SLC14A2: variants seen among roughly 807,000 people sequenced by gnomAD.
SLC14A2 encodes solute carrier family 14 member 2.
SLC14A2 carries 91 observed loss-of-function variants against 104.6 expected under a neutral mutation model. The observed-to-expected ratio is 0.87, with a 90% CI of 0.73 to 1.04. The LOEUF (loss-of-function observed/expected upper bound fraction) is 1.04, where lower values mean the gene tolerates loss of function less well. Ranked by LOEUF, SLC14A2 falls within the 50% of genes least tolerant of loss-of-function variation. The probability of loss-of-function intolerance (pLI) is 0.00; values close to 1 mark genes in which losing one functional copy is unlikely to be tolerated. For synonymous variants in SLC14A2, 476 were observed against 466.4 expected (o/e 1.02, Z -0.27); for missense variants, 1,189 against 1,156.0 (o/e 1.03, Z -0.41).
In SLC14A2 at chr18:45,453,929, G is replaced by A. The variant is rs562198169; in HGVS notation, c.-124-29304G>A. ...GGCTGCAGTGCAGTGGCATGATCTC[G>A]GCTCACTGCAACCTCTGCCTCCCGG... On this transcript the variant is annotated intron_variant, in intron 1 of 20. Transcript: ENST00000586448. Among the ~76,000 whole-genome samples the A allele has an allele frequency of 8.2e-5, 11 of 133,690 alleles. No homozygotes were observed. In the East Asian group the frequency reaches 1.9e-3, roughly 23 times the overall value. 87.7% of individuals were successfully genotyped at this position (133,690 alleles called of 152,430 possible). A position where few individuals can be genotyped will look rare whatever the true frequency, so the allele number is the denominator to read the frequency against.
At chr18:45,372,809 A>C (rs2085737033) in intron 1 of SLC14A2, among the ~76,000 whole-genome samples, 1 of 152,228 alleles carries the variant, frequency 6.6e-6, no homozygotes, top group South Asian at 2.1e-4. Flanking sequence ...CACGTTTTTT[A>C]AAGTTTAAAA....
intron 1 of SLC14A2, chr18:45,440,611 A>G (rs1319619896): frequency 6.6e-6 from 1 of 152,244 alleles, no homozygotes. Flanking sequence ...CTTAGTAGAC[A>G]GAATTCCAAG....
At chr18:45,362,166 G>T (rs891988448) in intron 1 of SLC14A2, among the ~76,000 whole-genome samples, 1 of 152,358 alleles carries the variant, frequency 6.6e-6, no homozygotes, top group East Asian at 1.9e-4. Context: ...TTATGAAGAA[G>T]GTACTTGTTT....
At chr18:45,471,824 A>G (rs1447572005) in intron 1 of SLC14A2, among the ~76,000 whole-genome samples, 1 of 151,924 alleles carries the variant, frequency 6.6e-6, no homozygotes, top group Non-Finnish European at 1.5e-5. Flanking sequence ...TTTATTTTAT[A>G]TAATGATTTG....
At chr18:45,403,042 A>G (rs1958546850) in intron 1 of SLC14A2, among the ~76,000 whole-genome samples, 2 of 152,194 alleles carry the variant, frequency 1.3e-5, no homozygotes, top group South Asian at 4.1e-4. Flanking sequence ...TGGGTGGCTT[A>G]AACAACAAAA....
At chr18:45,654,582 G>A (rs950372038) in intron 10 of SLC14A2, among the ~76,000 whole-genome samples, 1 of 152,184 alleles carries the variant, frequency 6.6e-6, no homozygotes. Context: ...TGCATCTGGG[G>A]AAGACAGTCC....
intron 4 of SLC14A2, among the ~76,000 whole-genome samples, chr18:45,630,954 C>T (rs968495578): frequency 6.6e-6 from 1 of 152,170 alleles, no homozygotes; most frequent in Non-Finnish European, 1.5e-5. Flanking sequence ...CATCCTCCTG[C>T]TCTCCTCTTA....
chr18:45,666,309 C>A, intron 12 of SLC14A2, 90 bp downstream of exon 12: 1 of 851,986 alleles, frequency 1.2e-6, no homozygotes, highest in Non-Finnish European at 1.9e-6. Flanking sequence ...AAACAAGGTT[C>A]TCCGATTTAG....
At chr18:45,668,077 G>A (rs965145095) in intron 14 of SLC14A2, 55 bp downstream of exon 14, 11 of 1,520,672 alleles carry the variant, frequency 7.2e-6, no homozygotes, top group Non-Finnish European at 1.0e-5. Context: ...ACTCCCCATG[G>A]GGACCATTCT....
chr18:45,192,956 G>A, the SLC14A2 span, among the ~76,000 whole-genome samples: 1 of 152,058 alleles, frequency 6.6e-6, no homozygotes, highest in Non-Finnish European at 1.5e-5. Context: ...GGCCTGGCCA[G>A]CAGGTAGTGG....
chr18:45,561,224 G>A (rs1239050039), intron 2 of SLC14A2, among the ~76,000 whole-genome samples: 1 of 152,154 alleles, frequency 6.6e-6, no homozygotes, highest in Non-Finnish European at 1.5e-5. Flanking sequence ...TTCTGGGTAG[G>A]AGGGTGAATG....
chr18:45,668,521 C>G, intron 15 of SLC14A2, 44 bp downstream of exon 15: 1 of 1,608,450 alleles, frequency 6.2e-7, no homozygotes, highest in Non-Finnish European at 8.5e-7. Flanking sequence ...TCAATGGCCA[C>G]CAACCTTTTC....
the SLC14A2 span, among the ~76,000 whole-genome samples, chr18:45,206,544 C>T: frequency 1.3e-5 from 2 of 152,158 alleles, no homozygotes; most frequent in African/African-American, 4.8e-5. Context: ...ACATTTCATC[C>T]AGTTTGAAAA....
chr18:45,555,166 C>T (rs1286018338), intron 2 of SLC14A2, among the ~76,000 whole-genome samples: 3 of 152,166 alleles, frequency 2.0e-5, no homozygotes, highest in African/African-American at 7.2e-5. Context: ...TCCAGGAGAC[C>T]AGTGATTCTC....
chr18:45,442,044 T>A (rs2086689972), intron 1 of SLC14A2, among the ~76,000 whole-genome samples: 1 of 152,106 alleles, frequency 6.6e-6, no homozygotes, highest in Non-Finnish European at 1.5e-5. Flanking sequence ...ATATCTGGCT[T>A]GTTGTGGAGG....
chr18:45,480,420 G>A (rs1549045), intron 1 of SLC14A2, among the ~76,000 whole-genome samples: 45,379 of 151,918 alleles, frequency 0.3, 6,756 homozygotes, highest in Middle Eastern at 0.41. Context: ...ACACCTGCCC[G>A]TGCCTGTCTC....
intron 1 of SLC14A2, among the ~76,000 whole-genome samples, chr18:45,403,776 A>ATGAATGAATGAATGAC (rs1555682873): frequency 6.6e-6 from 1 of 152,010 alleles, no homozygotes; most frequent in Non-Finnish European, 1.5e-5. Flanking sequence ...GAATGAATGA[A>ATGAATGAATGAATGAC]TGAATGAATA....
intron 2 of SLC14A2, among the ~76,000 whole-genome samples, chr18:45,605,476 A>G (rs1212576018): frequency 1.3e-5 from 2 of 152,124 alleles, no homozygotes; most frequent in African/African-American, 4.8e-5. Context: ...AGAAGCATTA[A>G]AGAGTCTTAA....
the SLC14A2 span, among the ~76,000 whole-genome samples, chr18:45,204,023 G>A: frequency 6.6e-6 from 1 of 152,186 alleles, no homozygotes; most frequent in South Asian, 2.1e-4. Flanking sequence ...GTAGGGGTTG[G>A]GAATATGCAT....
Sources: gnomAD v4.1 joint callset for allele counts (sites outside exome capture counted in the v4.1 genomes callset) on GRCh38, gnomAD v4.1.1 for gene constraint, MANE v1.5 for transcripts, NCBI Gene and HGNC (gene_info 2026-07-23, HGNC 2026-07-21) for gene names.